DHX9: variants seen among roughly 807,000 people sequenced by gnomAD.
The protein encoded by DHX9 is ATP-dependent RNA helicase A.
DHX9 carries 27 observed loss-of-function variants against 148.7 expected under a neutral mutation model. The observed-to-expected ratio is 0.18, with a 90% CI of 0.13 to 0.25. The LOEUF (loss-of-function observed/expected upper bound fraction) is 0.25. Ranked by LOEUF, DHX9 falls within the 10% of genes least tolerant of loss-of-function variation. The pLI, the probability that DHX9 is intolerant of heterozygous loss-of-function variation, is 1.00. For synonymous variants in DHX9, 529 were observed against 516.6 expected (o/e 1.02, Z -0.33); for missense variants, 796 against 1,559.6 (o/e 0.51, Z 8.25).
rs1192763042 is a variant in DHX9, at chr1:182,848,370, A to G, written c.253-3863A>G. Among the ~76,000 whole-genome samples the G allele has an allele frequency of 2.0e-5, 3 of 152,252 alleles. No homozygotes were observed. In the East Asian group the frequency reaches 5.8e-4, roughly 29 times the overall value. On this transcript the variant is annotated intron_variant, in intron 3 of 27. Transcript: ENST00000367549. ...AGGCCAGGGATGCTGCTAATGACCTACAATGCACTTGACAAACTCCTACAA... is the reference window on the plus strand; with the variant it reads ...AGGCCAGGGATGCTGCTAATGACCTGCAATGCACTTGACAAACTCCTACAA...
rs150517911 is a variant in DHX9 at position 182,844,920 on chromosome 1, C to T, written c.252+1486C>T. ...TCAAGTGATCCGCCCCCTTCAGCCT[C>T]CCAAAGTGCTGGGATTACAGGTGTG... On this transcript the variant is annotated intron_variant, in intron 3 of 27. Transcript: ENST00000367549. Among the ~76,000 whole-genome samples the T allele has an allele frequency of 1.4e-3, 215 of 152,268 alleles. 2 individuals carry two copies. In the East Asian group the frequency reaches 0.034, roughly 24 times the overall value.
Position 182,876,868 on chromosome 1 carries a change from C to T in DHX9, c.2163C>T (p.Thr721=). 1.2e-6 allele frequency: 2 copies of T among 1,612,098 alleles called. No individual in the cohort carries two copies. The highest frequency in any genetic ancestry group is 1.7e-6 in the Non-Finnish European group (2 of 1,179,420). The change falls in exon 19 of 28, where the codon ACC becomes ACT. Residue 721 remains threonine, a synonymous_variant. Coordinates refer to ENST00000367549, the MANE Select transcript of DHX9 (RefSeq NM_001357.5). The stretch of plus-strand genomic sequence containing the variant: ...CAAATATTGCTGAAACAAGCATTAC[C>T]ATAAACGATGTTGTTTATGTCATTG... ...LSTNIAETSI[T]INDVVYVIDS...
chr1:182,881,150 A>G (rs556175204), intron 22 of DHX9, 114 bp from the exon 23 acceptor site: 8 of 1,090,550 alleles, frequency 7.3e-6, no homozygotes, highest in Admixed American at 2.6e-5. Flanking sequence ...TTCATTGCAA[A>G]TAAAAGTAGA....
chr1:182,859,891 AC>A, intron 11 of DHX9, 101 bp from the exon 12 acceptor site: 1 of 1,162,792 alleles, frequency 8.6e-7, no homozygotes, highest in African/African-American at 1.6e-5. Context: ...GGCGTGAGCC[AC>A]CGCGCCCAGT....
At chr1:182,877,977 A>T (rs200173348) in intron 19 of DHX9, 44 bp from the exon 20 acceptor site, 486 of 1,607,736 alleles carry the variant, frequency 3.0e-4, no homozygotes, top group Non-Finnish European at 3.6e-4. Flanking sequence ...ATAGTTATTG[A>T]TAATACACAT....
At chr1:182,847,973 ATTG>A (rs1413425859) in intron 3 of DHX9, among the ~76,000 whole-genome samples, 22 of 152,028 alleles carry the variant, frequency 1.4e-4, no homozygotes, top group Admixed American at 1.4e-3. Flanking sequence ...TTTTTTTATT[ATTG>A]TTTTAACATG....
In DHX9 at chr1:182,842,904, A is replaced by G. The variant is rs139266902; in HGVS notation, c.111+227A>G. Among the ~76,000 whole-genome samples, 617 of 152,344 alleles carry G rather than the reference A, an allele frequency of 4.1e-3. 6 individuals are homozygous for G. The highest frequency in any genetic ancestry group is 0.014 in the African/African-American group (592 of 41,578). ...AGCCTATATCTTCCTCAGCTTCCTC[A>G]GTACCAGTAGTGGGGATGGGAAAAG... On this transcript the variant is annotated intron_variant, in intron 2 of 27. Transcript: ENST00000367549.
At chr1:182,866,178 G>A (rs911028520) in intron 12 of DHX9, among the ~76,000 whole-genome samples, 2 of 152,176 alleles carry the variant, frequency 1.3e-5, no homozygotes, top group African/African-American at 4.8e-5. Context: ...CGTATGCTGT[G>A]CCCTGTTTCC....
At chr1:182,843,620 T>G (rs116221434) in intron 3 of DHX9, among the ~76,000 whole-genome samples, 186 bp downstream of exon 3, 3 of 152,220 alleles carry the variant, frequency 2.0e-5, no homozygotes, top group Non-Finnish European at 4.4e-5. Flanking sequence ...GCATCCTTAT[T>G]ATATACCTGT....
rs1408788719 is a variant in DHX9 at position 182,876,703 on chromosome 1, C to CA, written c.2125-126dup. On this transcript the variant is annotated intron_variant, in intron 18 of 27. Coordinates refer to ENST00000367549, the MANE Select transcript of DHX9 (RefSeq NM_001357.5). Reference sequence around the variant, plus strand: ...GCTTAGTAGATTGTTGTTCATTAATCAGTTATTGGGTGATCTTTTTAGGAC... The same window carrying CA: ...GCTTAGTAGATTGTTGTTCATTAATCAAGTTATTGGGTGATCTTTTTAGGAC... 40 of 902,372 alleles carry CA rather than the reference C, an allele frequency of 4.4e-5. No individual in the cohort carries two copies. The African/African-American group carries it at 6.6e-4, about 15-fold the overall frequency. The allele number at this position is 902,372 out of a possible 1,614,324, so 55.9% of individuals were successfully genotyped here. A position where few individuals can be genotyped will look rare whatever the true frequency, so the allele number is the denominator to read the frequency against.
intron 3 of DHX9, among the ~76,000 whole-genome samples, chr1:182,846,848 GTTTATA>G (rs1014671415): frequency 8.7e-5 from 13 of 150,206 alleles, no homozygotes; most frequent in African/African-American, 1.2e-4. Context: ...TCCTCTTGGT[GTTTATA>G]TTTATAAAGA....
intron 7 of DHX9, among the ~76,000 whole-genome samples, chr1:182,857,082 A>G (rs1296377835): frequency 6.6e-6 from 1 of 152,106 alleles, no homozygotes; most frequent in Non-Finnish European, 1.5e-5. Context: ...CTCCTGACCT[A>G]GTGATCTGCC....
rs116606112 is a variant in DHX9, at chr1:182,878,252, C to A, written c.2351+79C>A. On this transcript the variant is annotated intron_variant, in intron 20 of 27. Coordinates refer to ENST00000367549, the MANE Select transcript of DHX9 (RefSeq NM_001357.5). ...GACAGATGTGTGCAGTTATGTAAAC[C>A]TGCCAATATAAGCTGATCTAAGTCT... The A allele has an allele frequency of 4.0e-6, 6 of 1,492,842 alleles. No individual in the cohort carries two copies. In the African/African-American group the frequency reaches 8.3e-5, roughly 21 times the overall value. The allele number at this position is 1,492,842 out of a possible 1,614,324, so 92.5% of individuals were successfully genotyped here.
chr1:182,862,602 C>T (rs964783709), intron 12 of DHX9, among the ~76,000 whole-genome samples: 2 of 152,126 alleles, frequency 1.3e-5, no homozygotes, highest in African/African-American at 4.8e-5. Context: ...ATAGTGGAGC[C>T]TGATACATTT....
rs1557970059 is a variant in DHX9, at chr1:182,859,165, T to C, written c.1140+48T>C. 3.2e-6 allele frequency: 5 copies of C among 1,548,554 alleles called. No individual in the cohort carries two copies. In the Admixed American group the frequency reaches 6.8e-5, roughly 21 times the overall value. ...AGTAGTGCTCAGAGCTTCAGAATGT[T>C]CTAGGTATGGGTAAAAAGTCAATGA... is the stretch of plus-strand genomic sequence containing the variant. On this transcript the variant is annotated intron_variant, in intron 11 of 27. Transcript: ENST00000367549.
At chr1:182,857,372 T>G (rs946195702) in intron 7 of DHX9, among the ~76,000 whole-genome samples, 2 of 152,218 alleles carry the variant, frequency 1.3e-5, no homozygotes, top group Non-Finnish European at 2.9e-5. Flanking sequence ...TAATATTTTC[T>G]ATAAGGATAT....
Position 182,884,801 on chromosome 1 carries a change from T to C in DHX9, c.3449T>C (p.Ile1150Thr), listed in dbSNP as rs1339839513. Residue 1150 changes from isoleucine to threonine, a missense_variant, in exon 27 of 28, where the codon ATT (isoleucine) becomes ACT (threonine). This residue lies in a region of DHX9 where 86 missense variants were observed against 156.3 expected (regional missense o/e 0.55). Coordinates refer to ENST00000367549, the MANE Select transcript of DHX9 (RefSeq NM_001357.5). ...TCAGCTGCTGGTATCAACCTTATGA[T>C]TGGCAGTACACGGTGAGTACCAATA... ...RPSAAGINLM[I>T]GSTRYGDGPR... The C allele has an allele frequency of 7.4e-6, 12 of 1,613,976 alleles. No individual in the cohort carries two copies. Among genetic ancestry groups the C allele is most frequent in the African/African-American group, 1.3e-5 (1 of 74,878 alleles).
Position 182,858,908 on chromosome 1 carries a change from T to C in DHX9, c.1062+14T>C, listed in dbSNP as rs1302927923. On this transcript the variant is annotated intron_variant, in intron 10 of 27. Coordinates refer to ENST00000367549, the MANE Select transcript of DHX9 (RefSeq NM_001357.5). ...CCTCTGGCTTTTGTGAGTGCAATAT[T>C]GTTTTTGAGATCAGAGTCTTGTGTT... is the stretch of plus-strand genomic sequence containing the variant. The C allele has an allele frequency of 8.7e-6, 14 of 1,613,488 alleles. No homozygotes were observed. The Middle Eastern group carries it at 8.2e-4, about 95-fold the overall frequency.
In DHX9 at chr1:182,887,512, T is replaced by C. The variant is rs1649390967; in HGVS notation, c.*78T>C. 3 of 1,320,706 alleles carry C rather than the reference T, an allele frequency of 2.3e-6. No homozygotes were observed. Among genetic ancestry groups the C allele is most frequent in the East Asian group, 4.8e-5 (2 of 41,848 alleles). 81.8% of individuals were successfully genotyped at this position (1,320,706 alleles called of 1,614,324 possible). ...TATGTGTTACGTGTTTTTTCCAGTATGTTTATTTGCCACCAAAAAGTAAAT... is the reference window on the plus strand; with the variant it reads ...TATGTGTTACGTGTTTTTTCCAGTACGTTTATTTGCCACCAAAAAGTAAAT... On this transcript the variant is annotated 3_prime_UTR_variant, in exon 28 of 28. Transcript: ENST00000367549.
Sources: allele counts gnomAD v4.1 joint callset (sites outside exome capture counted in the v4.1 genomes callset), GRCh38; gene constraint gnomAD v4.1.1; regional missense constraint gnomAD v4.1.1; transcripts MANE v1.5; gene names NCBI Gene and HGNC (gene_info 2026-07-23, HGNC 2026-07-21).